The following ANO10 variants were observed in gnomAD, a reference collection of about 807,000 sequenced individuals.
The protein encoded by ANO10 is anoctamin-10.
Under a neutral mutation model 74.7 loss-of-function variants are expected in ANO10, and 77 were observed. The ratio of observed to expected loss-of-function variants is 1.03; its 90% CI spans 0.86 to 1.25. The LOEUF (loss-of-function observed/expected upper bound fraction) is 1.25. Among genes scored for constraint, ANO10 ranks in the 50% most tolerant of loss-of-function variants. ANO10 has a pLI of 0.00. For missense variants in ANO10, 721 were observed against 778.1 expected, an observed-to-expected ratio of 0.93 and a Z score of 0.87; for synonymous variants, 279 against 284.9, an observed-to-expected ratio of 0.98 and a Z score of 0.21.
chr3:43,648,417 G>A (rs897598294), intron 1 of ANO10, among the ~76,000 whole-genome samples: 2 of 152,172 alleles, frequency 1.3e-5, no homozygotes, highest in African/African-American at 4.8e-5. Context: ...TAAGAAAGTA[G>A]AGGAATAAAA....
intron 12 of ANO10, among the ~76,000 whole-genome samples, chr3:43,413,445 G>A (rs983537183): frequency 6.6e-6 from 1 of 151,694 alleles, no homozygotes; most frequent in Non-Finnish European, 1.5e-5. Flanking sequence ...CACAAGATCT[G>A]GTTGTTTAAA....
intron 1 of ANO10, among the ~76,000 whole-genome samples, chr3:43,654,668 A>G (rs1172141360): frequency 6.6e-6 from 1 of 152,124 alleles, no homozygotes; most frequent in Non-Finnish European, 1.5e-5. Context: ...CCTCTCTTCT[A>G]CCACTCTGAC....
intron 11 of ANO10, among the ~76,000 whole-genome samples, chr3:43,435,073 T>C (rs1485975778): frequency 1.3e-5 from 2 of 152,236 alleles, no homozygotes; most frequent in Non-Finnish European, 2.9e-5. Flanking sequence ...CAGGGATTCC[T>C]ATAAATGAAT....
intron 2 of ANO10, among the ~76,000 whole-genome samples, chr3:43,600,822 G>A (rs1010314524): frequency 9.2e-5 from 14 of 152,086 alleles, no homozygotes; most frequent in African/African-American, 3.1e-4. Flanking sequence ...ATTCAAATGA[G>A]AAGTAGATGA....
intron 11 of ANO10, among the ~76,000 whole-genome samples, chr3:43,543,789 G>A (rs2079060651): frequency 6.6e-6 from 1 of 152,126 alleles, no homozygotes; most frequent in South Asian, 2.1e-4. Flanking sequence ...TTTAAACCAC[G>A]AATTAAACAT....
At chr3:43,584,246 C>G (rs1400243003) in intron 4 of ANO10, among the ~76,000 whole-genome samples, 1 of 152,208 alleles carries the variant, frequency 6.6e-6, no homozygotes, top group East Asian at 1.9e-4. Context: ...CCCCAATATG[C>G]ATGTAAGGAA....
In ANO10 at chr3:43,431,115, C is replaced by G. The variant is rs550368714; in HGVS notation, c.1914+1496G>C. On this transcript the variant is annotated intron_variant, in intron 12 of 12. Coordinates refer to ENST00000292246, the MANE Select transcript of ANO10 (RefSeq NM_018075.5). ...TGAGACAAGGTCTCACTCTGTTACC[C>G]AGGCGGGAGTGCAGTGGCATGATCA... 2.6e-5 allele frequency among the ~76,000 whole-genome samples: 4 copies of G among 151,388 alleles called. No individual in the cohort carries two copies. The East Asian group carries it at 7.8e-4, about 29-fold the overall frequency.
rs534248881 is a variant in ANO10, at chr3:43,628,516, A to T, written c.-11-22653T>A. ...ACAATATGAAATCTGGGCACCTTGA[A>T]AAAAGAACAGGATAACAGCAATGTT... On this transcript the variant is annotated intron_variant, in intron 1 of 3. Coordinates refer to the ANO10 transcript ENST00000413397. Among the ~76,000 whole-genome samples the T allele has an allele frequency of 5.9e-5, 9 of 152,346 alleles. No individual in the cohort carries two copies. The East Asian group carries it at 7.7e-4, about 13-fold the overall frequency.
At chr3:43,451,328 T>C (rs2074861423) in intron 11 of ANO10, among the ~76,000 whole-genome samples, 1 of 152,160 alleles carries the variant, frequency 6.6e-6, no homozygotes, top group African/African-American at 2.4e-5. Context: ...ACCCACCGAC[T>C]AGTCTATCGG....
intron 5 of ANO10, 57 bp from the exon 6 acceptor site, chr3:43,577,318 C>A (rs1009101198): frequency 6.6e-7 from 1 of 1,510,032 alleles, no homozygotes; most frequent in South Asian, 1.2e-5. Flanking sequence ...TTTAAAAAAT[C>A]ATTTCAAGTA....
chr3:43,430,483 A>G (rs1050214453), intron 12 of ANO10, among the ~76,000 whole-genome samples: 2 of 152,080 alleles, frequency 1.3e-5, no homozygotes, highest in Non-Finnish European at 2.9e-5. Context: ...ATGAGTTAAA[A>G]TAAAGTATAA....
chr3:43,374,726 T>C (rs1430077035), intron 12 of ANO10, among the ~76,000 whole-genome samples: 1 of 152,238 alleles, frequency 6.6e-6, no homozygotes, highest in Non-Finnish European at 1.5e-5. Context: ...CTGCTTCTGC[T>C]AAATCTCTGA....
chr3:43,461,018 A>C (rs941859905), intron 11 of ANO10, among the ~76,000 whole-genome samples: 2 of 149,864 alleles, frequency 1.3e-5, no homozygotes, highest in Non-Finnish European at 3.0e-5. Context: ...GAAAAAATGA[A>C]GAAAATATTA....
chr3:43,687,359 CT>C (rs1379114568), intron 1 of ANO10, among the ~76,000 whole-genome samples: 6 of 152,312 alleles, frequency 3.9e-5, no homozygotes, highest in African/African-American at 1.4e-4. Flanking sequence ...TTTGTAAGTG[CT>C]TGCTTGGCAG....
chr3:43,557,506 C>T (rs750690675), intron 9 of ANO10, among the ~76,000 whole-genome samples: 57 of 151,488 alleles, frequency 3.8e-4, no homozygotes, highest in Admixed American at 7.2e-4. Flanking sequence ...GAGGCCGAGG[C>T]GGGTGGATCA....
intron 1 of ANO10, among the ~76,000 whole-genome samples, chr3:43,667,097 T>C (rs1316051122): frequency 3.7e-5 from 5 of 136,974 alleles, no homozygotes; most frequent in Non-Finnish European, 4.6e-5. Context: ...TTTTTTTTTT[T>C]TGTCTTTTCT....
chr3:43,486,831 C>T (rs2076509804), intron 11 of ANO10, among the ~76,000 whole-genome samples: 1 of 150,334 alleles, frequency 6.7e-6, no homozygotes, highest in Admixed American at 6.6e-5. Flanking sequence ...CCAGAACTTC[C>T]AACACTATGT....
intron 11 of ANO10, among the ~76,000 whole-genome samples, chr3:43,525,263 G>A (rs2078144084): frequency 6.6e-6 from 1 of 152,086 alleles, no homozygotes; most frequent in African/African-American, 2.4e-5. Context: ...TCCCTGGGCA[G>A]GCTATCCTCT....
At chr3:43,484,936 G>C in intron 11 of ANO10, 1 of 866,132 alleles carries the variant, frequency 1.2e-6, no homozygotes, top group Non-Finnish European at 1.8e-6. Context: ...GCGTTCCTGA[G>C]TTTATTTGGG....
Sources: gnomAD v4.1 joint callset for allele counts (sites outside exome capture counted in the v4.1 genomes callset) on GRCh38, gnomAD v4.1.1 for gene constraint, MANE v1.5 for transcripts, NCBI Gene and HGNC (gene_info 2026-07-23, HGNC 2026-07-21) for gene names.